Variants in MAPKAPK3 observed in about 807,000 individuals in gnomAD.
MAPKAPK3 encodes MAP kinase-activated protein kinase 3.
MAPKAPK3 carries 35 observed loss-of-function variants against 49.2 expected under a neutral mutation model. The ratio of observed to expected loss-of-function variants is 0.71; its 90% confidence interval spans 0.54 to 0.94. The LOEUF (loss-of-function observed/expected upper bound fraction) is 0.94, where lower values mean the gene tolerates loss of function less well. Ranked by LOEUF, MAPKAPK3 falls within the 40% of genes least tolerant of loss-of-function variation. The pLI, the probability that MAPKAPK3 is intolerant of heterozygous loss-of-function variation, is 0.00. For missense variants in MAPKAPK3, 398 were observed against 493.1 expected (o/e 0.81, Z 1.83); for synonymous variants, 178 against 188.7 (o/e 0.94, Z 0.46).
chr3:50,647,792 A>G (rs1239921705), intron 10 of MAPKAPK3, 102 bp from the exon 11 acceptor site: 8 of 1,139,044 alleles, frequency 7.0e-6, no homozygotes, highest in Non-Finnish European at 8.9e-6. Flanking sequence ...GAGGCAGCAC[A>G]GGCTGTCACT....
upstream of MAPKAPK3, among the ~76,000 whole-genome samples, chr3:50,616,620 G>A (rs982704342): frequency 1.3e-5 from 2 of 152,168 alleles, no homozygotes; most frequent in Non-Finnish European, 2.9e-5. Context: ...GCTGCAAAAA[G>A]GGGGCAGTCG....
At chr3:50,635,598 G>C (rs1205549954) in intron 2 of MAPKAPK3, among the ~76,000 whole-genome samples, 1 of 151,264 alleles carries the variant, frequency 6.6e-6, no homozygotes, top group Non-Finnish European at 1.5e-5. Context: ...TGTATTTTTA[G>C]TAGAGATGGG....
chr3:50,631,002 G>A (rs541928802), intron 2 of MAPKAPK3, among the ~76,000 whole-genome samples: 5 of 152,200 alleles, frequency 3.3e-5, no homozygotes, highest in Non-Finnish European at 5.9e-5. Context: ...GGGCCTGGAC[G>A]TTTGGGGTCA....
intron 2 of MAPKAPK3, among the ~76,000 whole-genome samples, chr3:50,634,845 C>T (rs1343516792): frequency 1.3e-5 from 2 of 152,186 alleles, no homozygotes; most frequent in Non-Finnish European, 2.9e-5. Flanking sequence ...CATCATTGCC[C>T]ATTTCAGGTA....
At chr3:50,647,029 CATCT>C in intron 9 of MAPKAPK3, 90 bp from the exon 10 acceptor site, 1 of 1,244,712 alleles carries the variant, frequency 8.0e-7, no homozygotes, top group South Asian at 1.3e-5. Context: ...TTGGTTTTTC[CATCT>C]GAGTCTGGGA....
Position 50,617,652 on chromosome 3 carries a change from G to T in MAPKAPK3, c.87G>T (p.Gly29=), listed in dbSNP as rs753884487. The change falls in exon 2 of 11, where the codon GGG becomes GGT. Residue 29 remains glycine (G), a synonymous_variant. Transcript: ENST00000621469. The part of the protein sequence containing the change: ...PGGPGLGGAP[G]GRREPKKYAV... The stretch of plus-strand genomic sequence containing the variant: ...GACCCGGCTTGGGCGGTGCTCCGGG[G>T]GGGCGGCGGGAGCCCAAGAAGTACG... 6.2e-7 allele frequency: 1 copy of T among 1,610,532 alleles called. No homozygotes were observed.
intron 2 of MAPKAPK3, among the ~76,000 whole-genome samples, chr3:50,623,182 G>A (rs553651425): frequency 2.6e-5 from 4 of 152,278 alleles, no homozygotes; most frequent in South Asian, 4.2e-4. Flanking sequence ...CTATGCAGCC[G>A]GTACAATAGA....
intron 2 of MAPKAPK3, among the ~76,000 whole-genome samples, chr3:50,621,362 C>T (rs1402925976): frequency 6.6e-6 from 1 of 151,974 alleles, no homozygotes; most frequent in Non-Finnish European, 1.5e-5. Context: ...TTGGCTGAGG[C>T]GGGAGGATCA....
At chr3:50,621,186 G>A (rs1388161063) in intron 2 of MAPKAPK3, among the ~76,000 whole-genome samples, 2 of 152,162 alleles carry the variant, frequency 1.3e-5, no homozygotes, top group African/African-American at 2.4e-5. Context: ...GGCTGGGTGC[G>A]GTGGCTTGTG....
In MAPKAPK3 at chr3:50,631,030, G is replaced by A. The variant is rs545743575; in HGVS notation, c.220-9336G>A. 6.6e-5 allele frequency among the ~76,000 whole-genome samples: 10 copies of A among 152,282 alleles called. No homozygotes were observed. The South Asian group carries it at 1.5e-3, about 22-fold the overall frequency. On this transcript the variant is annotated intron_variant, in intron 2 of 10. Coordinates refer to ENST00000621469, the MANE Select transcript of MAPKAPK3 (RefSeq NM_001243925.2). ...TGGGGTCAGTGGTATCATGTGAGCC[G>A]CCCTCCTTGGAACCGAGCCTCTGAG...
intron 2 of MAPKAPK3, among the ~76,000 whole-genome samples, chr3:50,638,706 C>T (rs947830836): frequency 2.0e-5 from 3 of 152,244 alleles, no homozygotes. Context: ...CCTCTCCCCT[C>T]TCTGGGACAC....
chr3:50,644,617 A>C, intron 6 of MAPKAPK3, 85 bp downstream of exon 6: 4 of 1,435,102 alleles, frequency 2.8e-6, no homozygotes, highest in Non-Finnish European at 2.9e-6. Context: ...GCAGAAACCA[A>C]AGGGTTAAAG....
At chr3:50,638,917 C>T (rs1331540475) in intron 2 of MAPKAPK3, among the ~76,000 whole-genome samples, 1 of 152,256 alleles carries the variant, frequency 6.6e-6, no homozygotes, top group Admixed American at 6.5e-5. Flanking sequence ...CCCCAGCCCT[C>T]CTCCATTAGG....
At chr3:50,619,652 C>T (rs2032559975) in intron 2 of MAPKAPK3, among the ~76,000 whole-genome samples, 1 of 152,106 alleles carries the variant, frequency 6.6e-6, no homozygotes, top group African/African-American at 2.4e-5. Context: ...AGGCTTTGAC[C>T]CTGTGGGCCA....
At chr3:50,635,564 C>T (rs2033017347) in intron 2 of MAPKAPK3, among the ~76,000 whole-genome samples, 1 of 151,494 alleles carries the variant, frequency 6.6e-6, no homozygotes, top group South Asian at 2.1e-4. Context: ...GTTACAGACG[C>T]ACACCACCAC....
At chr3:50,616,222 G>A (rs1393312505), upstream of MAPKAPK3, among the ~76,000 whole-genome samples, 1 of 152,162 alleles carries the variant, frequency 6.6e-6, no homozygotes, top group African/African-American at 2.4e-5. Context: ...GATGTGATGT[G>A]CGCAAGTAGT....
chr3:50,644,600 G>C, intron 6 of MAPKAPK3, 68 bp downstream of exon 6: 6 of 1,543,810 alleles, frequency 3.9e-6, no homozygotes, highest in Non-Finnish European at 5.3e-6. Context: ...GGGGTAGCCA[G>C]TGGGTTGCAG....
At chr3:50,622,527 G>A (rs2032634506) in intron 2 of MAPKAPK3, among the ~76,000 whole-genome samples, 1 of 152,150 alleles carries the variant, frequency 6.6e-6, no homozygotes, top group South Asian at 2.1e-4. Flanking sequence ...CTAGGCCCAA[G>A]GCCTGGCATA....
At chr3:50,615,389 A>T (rs1559481100), upstream of MAPKAPK3, among the ~76,000 whole-genome samples, 1 of 152,154 alleles carries the variant, frequency 6.6e-6, no homozygotes, top group African/African-American at 2.4e-5. Flanking sequence ...TGTTATATGC[A>T]TGTGTGTGCA....
Sources: gnomAD v4.1 joint callset for allele counts (sites outside exome capture counted in the v4.1 genomes callset) on GRCh38, gnomAD v4.1.1 for gene constraint, MANE v1.5 for transcripts, NCBI Gene and HGNC (gene_info 2026-07-23, HGNC 2026-07-21) for gene names.